Variants in POLR3C observed in about 807,000 individuals in gnomAD.
The protein encoded by POLR3C is RNA polymerase III subunit C.
In POLR3C, 44 loss-of-function variants were observed where a neutral mutation model predicts 65.9. That is an observed-to-expected ratio of 0.67 (90% CI 0.52 to 0.86). The LOEUF (loss-of-function observed/expected upper bound fraction) is 0.86. POLR3C is among the 40% of genes least tolerant of loss of function. The pLI is 0.00. For missense variants in POLR3C, 576 were observed against 653.2 expected (o/e 0.88, Z 1.29); for synonymous variants, 263 against 231.6 (o/e 1.14, Z -1.23).
intron 1 of POLR3C, chr1:145,824,679 C>T (rs782683723): frequency 1.4e-4 from 62 of 453,630 alleles, no homozygotes; most frequent in Non-Finnish European, 2.3e-4. Context: ...TAACTACGTC[C>T]GTTTCTGATT....
intron 1 of POLR3C, 141 bp downstream of exon 1, chr1:145,824,510 G>A (rs1650528944): frequency 7.8e-7 from 1 of 1,288,318 alleles, no homozygotes; most frequent in South Asian, 1.2e-5. Context: ...AAAGGATCTG[G>A]GAATGCTTCT....
At position 145,830,458 on chromosome 1, in the gene POLR3C, A is replaced by C. The variant is rs1177271542; in HGVS notation, c.678+1621A>C. Among the ~76,000 whole-genome samples, 6 of 152,290 alleles carry C rather than the reference A, an allele frequency of 3.9e-5. No homozygotes were observed. The East Asian group carries it at 7.7e-4, about 20-fold the overall frequency. The stretch of plus-strand genomic sequence containing the variant: ...GAACTTGGTAATGGGGTGGTAGATT[A>C]TGGAGAGCAAGGGACTAGGGGTGAT... On this transcript the variant is annotated intron_variant, in intron 5 of 14. Coordinates refer to ENST00000334163, the MANE Select transcript of POLR3C (RefSeq NM_006468.8).
rs587664609 is a variant in POLR3C, at chr1:145,838,203, C to G, written c.1218C>G (p.Leu406=). ...TGCTCTCAGAAAATTTCATGTCACT[C>G]CAGGTAACCAACCAAGGGCGTAATA... ...YKMLSENFMS[L]QEIPKTPDHA... is the part of the protein sequence containing the mutation. The change falls in exon 11 of 15, where the codon CTC becomes CTG. Residue 406 remains leucine (L), a synonymous_variant. Transcript: ENST00000334163. 1.2e-6 allele frequency: 2 copies of G among 1,612,758 alleles called. No homozygotes were observed. The highest frequency in any genetic ancestry group is 2.2e-5 in the South Asian group (2 of 91,048).
rs1237670882 is a variant in POLR3C at position 145,843,378 on chromosome 1, T to C, written c.*958T>C. ...TTAATTCATTTAAAGCAGTTAGATG[T>C]TTTATAATATCTTCAGTTTTCTCTC... On this transcript the variant is annotated 3_prime_UTR_variant, in exon 15 of 15. Transcript: ENST00000334163. 6.6e-6 allele frequency among the ~76,000 whole-genome samples: 1 copy of C among 152,002 alleles called. No individual in the cohort carries two copies. The highest frequency in any genetic ancestry group is 2.4e-5 in the African/African-American group (1 of 41,338).
At chr1:145,840,794 C>T (rs950350252) in intron 13 of POLR3C, 128 bp from the exon 14 acceptor site, 5 of 572,554 alleles carry the variant, frequency 8.7e-6, no homozygotes, top group African/African-American at 7.4e-5. Context: ...AGAAAATGTC[C>T]TTAGAAGGTG....
rs201726120 is a variant in POLR3C, at chr1:145,840,961, T to C, written c.1413T>C (p.Ile471=). 110 of 1,611,732 alleles carry C rather than the reference T, an allele frequency of 6.8e-5. 1 individual carries two copies. The Admixed American group carries it at 1.8e-3, about 26-fold the overall frequency. Residue 471 remains isoleucine (I), a synonymous_variant, in exon 14 of 15, where the codon ATT becomes ATC. Coordinates refer to ENST00000334163, the MANE Select transcript of POLR3C (RefSeq NM_006468.8). ...LEKSQRVEAI[I]ASMQATGAEE... ...AATCTCAGAGGGTAGAAGCCATCATTGCATCTATGCAGGCTACTGGTGCAG... is the reference window on the plus strand; with the variant it reads ...AATCTCAGAGGGTAGAAGCCATCATCGCATCTATGCAGGCTACTGGTGCAG...
At chr1:145,830,474 T>C (rs781917658) in intron 5 of POLR3C, among the ~76,000 whole-genome samples, 1 of 152,088 alleles carries the variant, frequency 6.6e-6, no homozygotes, top group Non-Finnish European at 1.5e-5. Context: ...AGCAAGGGAC[T>C]AGGGGTGATA....
intron 1 of POLR3C, 131 bp from the exon 2 acceptor site, chr1:145,825,617 AAAGATATGC>A: frequency 1.9e-6 from 1 of 521,750 alleles, no homozygotes; most frequent in African/African-American, 1.9e-5. Flanking sequence ...TTGTTGTTTC[AAAGATATGC>A]AAGATTTTTA....
Position 145,833,514 on chromosome 1 carries a change from A to G in POLR3C, c.808A>G (p.Met270Val), listed in dbSNP as rs143369995. The change falls in exon 7 of 15, where the codon ATG (methionine) becomes GTG (valine). Residue 270 changes from methionine (M) to valine (V), a missense_variant. By Grantham distance (21) the Met-to-Val change is conservative. Transcript: ENST00000334163. ...DQTSSEIVRT[M>V]LRMSEITTSS... is the part of the protein sequence containing the mutation. ...GACAAGCAGCGAGATTGTGCGAACC[A>G]TGCTCCGAATGAGTGAGATTACCAC... The G allele has an allele frequency of 8.7e-6, 14 of 1,613,664 alleles. No individual in the cohort carries two copies. Among genetic ancestry groups the G allele is most frequent in the Non-Finnish European group, 1.2e-5 (14 of 1,179,638 alleles).
In POLR3C at chr1:145,838,131, CTT is replaced by C; in HGVS notation, c.1148_1149del (p.Phe383CysfsTer14). The part of the protein sequence containing the change: ...KHIEQKQVED[F>X]AMIPAKEAKD... ...ACATAGAGCAGAAGCAAGTGGAAGA[CTT>C]TGCAATGATTCCTGCAAAGGAGGCA... On this transcript the variant is annotated frameshift_variant, in exon 11 of 15. Coordinates refer to ENST00000334163, the MANE Select transcript of POLR3C (RefSeq NM_006468.8). LOFTEE classifies it high-confidence loss of function. The C allele has an allele frequency of 6.2e-7, 1 of 1,613,004 alleles. No homozygotes were observed. Among genetic ancestry groups the C allele is most frequent in the Non-Finnish European group, 8.5e-7 (1 of 1,178,924 alleles).
In POLR3C at chr1:145,828,759, AAGG is replaced by A. The variant is rs1553726434; in HGVS notation, c.606_608del (p.Arg203del). ...TTGTTTGTTTGGCAGGGAAAGGTAA[AAGG>A]AGGAGATCATCTGATGAAGATGCTG... is the stretch of plus-strand genomic sequence containing the variant. On this transcript the variant is annotated inframe_deletion, in exon 5 of 15. Coordinates refer to ENST00000334163, the MANE Select transcript of POLR3C (RefSeq NM_006468.8). 1.2e-6 allele frequency: 2 copies of A among 1,605,978 alleles called. No individual in the cohort carries two copies. The highest frequency in any genetic ancestry group is 1.7e-6 in the Non-Finnish European group (2 of 1,172,626).
rs77530377 is a variant in POLR3C, at chr1:145,836,119, C to CT, written c.877-357dup. ...AGTTTTGTGGTAACTAAAATTAAAA[C>CT]TTTTTTTTTTTTTTTTTTGAGACGG... is the stretch of plus-strand genomic sequence containing the variant. On this transcript the variant is annotated intron_variant, in intron 7 of 14. Coordinates refer to ENST00000334163, the MANE Select transcript of POLR3C (RefSeq NM_006468.8). 5.2e-3 allele frequency among the ~76,000 whole-genome samples: 697 copies of CT among 133,172 alleles called. 3 individuals are homozygous for CT. Among genetic ancestry groups the CT allele is most frequent in the South Asian group, 7.9e-3 (33 of 4,190 alleles). The allele number at this position is 133,172 out of a possible 152,430, so 87.4% of individuals were successfully genotyped here.
intron 7 of POLR3C, among the ~76,000 whole-genome samples, chr1:145,835,100 A>G (rs1651691084): frequency 6.8e-6 from 1 of 146,992 alleles, no homozygotes; most frequent in Non-Finnish European, 1.5e-5. Context: ...AACTATGATC[A>G]TGCCACTGCA....
Position 145,826,878 on chromosome 1 carries a change from A to G in POLR3C, c.462A>G (p.Thr154=). 1 of 1,612,900 alleles carries G rather than the reference A, an allele frequency of 6.2e-7. No homozygotes were observed. Among genetic ancestry groups the G allele is most frequent in the Non-Finnish European group, 8.5e-7 (1 of 1,179,586 alleles). Residue 154 remains threonine, a synonymous_variant, in exon 4 of 15, where the codon ACA becomes ACG. Transcript: ENST00000334163. ...ACACATTTGTGCGACTGGCAGACAC[A>G]CACTTTGTACAACGCTGCCCTTCGG... ...VSNTFVRLAD[T]HFVQRCPSVP...
In POLR3C at chr1:145,840,121, A is replaced by T. The variant is rs2101657891; in HGVS notation, c.1329A>T (p.Ile443=). 1 of 1,607,482 alleles carries T rather than the reference A, an allele frequency of 6.2e-7. No individual in the cohort carries two copies. Among genetic ancestry groups the T allele is most frequent in the South Asian group, 1.1e-5 (1 of 90,940 alleles). ...TCTGTCTTCTCTTTCCTCAGAGCAT[A>T]GCCAACTTGATAGAAAGGAGGCAAT... The part of the protein sequence containing the change: ...RMLLHRCYKS[I]ANLIERRQFE... Residue 443 remains isoleucine, a synonymous_variant, in exon 13 of 15, where the codon ATA becomes ATT. Coordinates refer to ENST00000334163, the MANE Select transcript of POLR3C (RefSeq NM_006468.8).
chr1:145,841,564 T>A (rs1287634173), intron 14 of POLR3C, among the ~76,000 whole-genome samples: 1 of 152,230 alleles, frequency 6.6e-6, no homozygotes, highest in Non-Finnish European at 1.5e-5. Context: ...TCTTAAGTAT[T>A]TTTTTGGATA....
At chr1:145,840,282 G>A in intron 13 of POLR3C, 117 bp downstream of exon 13, 2 of 709,374 alleles carry the variant, frequency 2.8e-6, no homozygotes, top group Non-Finnish European at 5.1e-6. Context: ...GCTCATGCCT[G>A]TAATCCCAGC....
chr1:145,833,155 G>C, intron 5 of POLR3C, 105 bp from the exon 6 acceptor site: 2 of 677,258 alleles, frequency 3.0e-6, no homozygotes, highest in Non-Finnish European at 5.2e-6. Context: ...TCCAACCAAT[G>C]TAATTGTTAC....
Position 145,825,862 on chromosome 1 carries a change from T to C in POLR3C, c.86T>C (p.Ile29Thr), listed in dbSNP as rs1553725629. Reference protein sequence around the residue: ...EIVEKIGVHLIRTGSQPLRVI... With the variant: ...EIVEKIGVHLTRTGSQPLRVI... Reference sequence around the variant, plus strand: ...GTAGAAAAAATTGGAGTCCATCTGATAAGAACCGGCAGCCAGCCACTAAGA... The same window carrying C: ...GTAGAAAAAATTGGAGTCCATCTGACAAGAACCGGCAGCCAGCCACTAAGA... Residue 29 changes from isoleucine to threonine, a missense_variant, in exon 2 of 15, where the codon ATA becomes ACA. Coordinates refer to ENST00000334163, the MANE Select transcript of POLR3C (RefSeq NM_006468.8). The C allele has an allele frequency of 6.8e-6, 11 of 1,613,702 alleles. No individual in the cohort carries two copies. Among genetic ancestry groups the C allele is most frequent in the Non-Finnish European group, 9.3e-6 (11 of 1,179,556 alleles).
Sources: allele counts gnomAD v4.1 joint callset (sites outside exome capture counted in the v4.1 genomes callset), GRCh38; gene constraint gnomAD v4.1.1; transcripts MANE v1.5; gene names NCBI Gene and HGNC (gene_info 2026-07-23, HGNC 2026-07-21).